The following METTL24 variants were observed in gnomAD, a reference collection of about 807,000 sequenced individuals.
METTL24 encodes probable methyltransferase-like protein 24.
METTL24 carries 29 observed loss-of-function variants against 32.7 expected under a neutral mutation model. The ratio of observed to expected loss-of-function variants is 0.89; its 90% CI spans 0.66 to 1.21. The LOEUF (loss-of-function observed/expected upper bound fraction) is 1.21, where lower values mean the gene tolerates loss of function less well. METTL24 is among the 50% of genes most tolerant of loss of function. The pLI, the probability that METTL24 is intolerant of heterozygous loss-of-function variation, is 0.00. For missense variants in METTL24, 439 were observed against 468.1 expected (o/e 0.94, Z 0.57); for synonymous variants, 163 against 179.5 (o/e 0.91, Z 0.73).
At chr6:110,307,533 C>T (rs939991107) in intron 3 of METTL24, among the ~76,000 whole-genome samples, 6 of 152,056 alleles carry the variant, frequency 3.9e-5, no homozygotes, top group East Asian at 1.9e-4. Context: ...ATCTTGGCCA[C>T]GAGGAAAGGT....
intron 1 of METTL24, among the ~76,000 whole-genome samples, chr6:110,349,301 G>C (rs1296156615): frequency 6.6e-6 from 1 of 152,192 alleles, no homozygotes; most frequent in Non-Finnish European, 1.5e-5. Flanking sequence ...TTCCAGGCTA[G>C]AGCTTTTAAT....
intron 4 of METTL24, among the ~76,000 whole-genome samples, chr6:110,297,973 G>A (rs1214279515): frequency 6.6e-6 from 1 of 152,080 alleles, no homozygotes; most frequent in East Asian, 1.9e-4. Flanking sequence ...GAGGGACAAG[G>A]AAGAGGAAGA....
intron 3 of METTL24, among the ~76,000 whole-genome samples, chr6:110,313,066 C>T (rs1771752951): frequency 6.6e-6 from 1 of 152,202 alleles, no homozygotes; most frequent in Non-Finnish European, 1.5e-5. Flanking sequence ...AGAGGACATC[C>T]CCTGTCATAG....
intron 1 of METTL24, among the ~76,000 whole-genome samples, chr6:110,351,461 C>T (rs1772601702): frequency 2.0e-5 from 3 of 151,926 alleles, no homozygotes; most frequent in South Asian, 4.1e-4. Context: ...TGTATATTCA[C>T]ACACACACAC....
intron 3 of METTL24, 137 bp from the exon 4 acceptor site, chr6:110,299,287 A>T: frequency 1.5e-6 from 1 of 673,570 alleles, no homozygotes; most frequent in Non-Finnish European, 2.5e-6. Flanking sequence ...GCTAATGTAC[A>T]CATTCAATAA....
chr6:110,280,077 C>T (rs1264889708), intron 4 of METTL24, among the ~76,000 whole-genome samples: 1 of 152,142 alleles, frequency 6.6e-6, no homozygotes, highest in Non-Finnish European at 1.5e-5. Context: ...ATTGCGAGGA[C>T]AGTACCAAGA....
At position 110,356,160 on chromosome 6, in the gene METTL24, T is replaced by C. The variant is rs934660992; in HGVS notation, c.318+1795A>G. ...CCCACTCTTAAGAAACATCACAGTGTTGGCCAGGCGCAGTGGCTCACGCCT... is the reference window on the plus strand; with the variant it reads ...CCCACTCTTAAGAAACATCACAGTGCTGGCCAGGCGCAGTGGCTCACGCCT... On this transcript the variant is annotated intron_variant, in intron 1 of 4. Coordinates refer to ENST00000338882, the MANE Select transcript of METTL24 (RefSeq NM_001123364.3). Among the ~76,000 whole-genome samples, 3 of 152,176 alleles carry C rather than the reference T, an allele frequency of 2.0e-5. No homozygotes were observed. The South Asian group carries it at 6.2e-4, about 32-fold the overall frequency.
intron 1 of METTL24, among the ~76,000 whole-genome samples, chr6:110,347,754 T>C (rs1582444825): frequency 6.6e-6 from 1 of 152,164 alleles, no homozygotes; most frequent in Non-Finnish European, 1.5e-5. Context: ...CCAAAATCAT[T>C]GAACAGCATG....
intron 4 of METTL24, among the ~76,000 whole-genome samples, chr6:110,279,781 C>A (rs1293967543): frequency 6.6e-6 from 1 of 152,112 alleles, no homozygotes; most frequent in Admixed American, 6.6e-5. Flanking sequence ...ACCCCTTAAC[C>A]CCAAAACCCA....
chr6:110,265,189 G>T (rs183918062), intron 4 of METTL24, among the ~76,000 whole-genome samples: 2 of 114,978 alleles, frequency 1.7e-5, no homozygotes, highest in Admixed American at 1.7e-4. Context: ...AAGAAAGAAA[G>T]AAAGAAAGAA....
chr6:110,305,913 C>T (rs922374964), intron 3 of METTL24, among the ~76,000 whole-genome samples: 12 of 152,150 alleles, frequency 7.9e-5, no homozygotes, highest in African/African-American at 2.9e-4. Flanking sequence ...ATAGCAAAGA[C>T]TTGGAACCAA....
Position 110,346,573 on chromosome 6 carries a change from T to C in METTL24, c.318+11382A>G, listed in dbSNP as rs147941735. ...AGGCTGGAGTGCAATGGCATGATTT[T>C]GGCTCACTGCAACCTCCACCTCCCC... On this transcript the variant is annotated intron_variant, in intron 1 of 4. Coordinates refer to ENST00000338882, the MANE Select transcript of METTL24 (RefSeq NM_001123364.3). Among the ~76,000 whole-genome samples the C allele has an allele frequency of 1.2e-3, 185 of 151,842 alleles. 1 individual carries two copies. Among genetic ancestry groups the C allele is most frequent in the African/African-American group, 4.2e-3 (175 of 41,328 alleles).
chr6:110,299,192 T>C, intron 3 of METTL24, 42 bp from the exon 4 acceptor site: 1 of 1,559,894 alleles, frequency 6.4e-7, no homozygotes, highest in Non-Finnish European at 8.8e-7. Flanking sequence ...AAAAATGCAA[T>C]GAAGCAAAGT....
intron 1 of METTL24, chr6:110,332,634 A>T (rs1004166129): frequency 5.2e-5 from 13 of 248,308 alleles, no homozygotes; most frequent in Non-Finnish European, 7.7e-5. Flanking sequence ...TCGGCCAGGC[A>T]CGGTGGTTCA....
chr6:110,302,758 CTT>C (rs1342948643), intron 3 of METTL24, among the ~76,000 whole-genome samples: 1 of 151,800 alleles, frequency 6.6e-6, no homozygotes, highest in African/African-American at 2.4e-5. Flanking sequence ...GTTTAAGACA[CTT>C]TATTATATAT....
At chr6:110,333,266 A>T (rs1241257660) in intron 1 of METTL24, among the ~76,000 whole-genome samples, 1 of 152,146 alleles carries the variant, frequency 6.6e-6, no homozygotes, top group Admixed American at 6.5e-5. Flanking sequence ...GATGCTTGGG[A>T]TCCTGAGTTG....
chr6:110,316,175 G>A (rs1431032032), intron 2 of METTL24, among the ~76,000 whole-genome samples: 1 of 152,162 alleles, frequency 6.6e-6, no homozygotes, highest in Non-Finnish European at 1.5e-5. Context: ...CCCCAGGCAG[G>A]AGGCTCTTCC....
intron 4 of METTL24, among the ~76,000 whole-genome samples, chr6:110,247,516 C>T (rs1169551661): frequency 6.6e-6 from 1 of 152,186 alleles, no homozygotes; most frequent in Non-Finnish European, 1.5e-5. Flanking sequence ...AATATTGCCA[C>T]TTTACATTTG....
At chr6:110,342,720 C>T (rs1282520999) in intron 1 of METTL24, among the ~76,000 whole-genome samples, 2 of 152,174 alleles carry the variant, frequency 1.3e-5, no homozygotes, top group East Asian at 1.9e-4. Context: ...TTCCCCTCTA[C>T]CCCCAGCCTC....
Sources: allele counts gnomAD v4.1 joint callset (sites outside exome capture counted in the v4.1 genomes callset), GRCh38; gene constraint gnomAD v4.1.1; transcripts MANE v1.5; gene names NCBI Gene and HGNC (gene_info 2026-07-23, HGNC 2026-07-21).